GAREM1: variants seen among roughly 807,000 people sequenced by gnomAD.
The protein encoded by GAREM1 is GRB2 associated regulator of MAPK1 subtype 1.
GAREM1 carries 26 observed loss-of-function variants against 71.3 expected under a neutral mutation model. The ratio of observed to expected loss-of-function variants is 0.36; its 90% CI spans 0.27 to 0.51. The LOEUF is 0.51. Among genes scored for constraint, GAREM1 ranks in the 20% least tolerant of loss-of-function variants. The pLI is 0.95. For missense variants in GAREM1, 1,026 were observed against 1,103.1 expected (o/e 0.93, Z 0.99); for synonymous variants, 440 against 433.2 (o/e 1.02, Z -0.20).
chr18:32,338,165 T>C (rs1012086618), intron 2 of GAREM1, among the ~76,000 whole-genome samples: 5 of 152,206 alleles, frequency 3.3e-5, no homozygotes, highest in African/African-American at 1.2e-4. Flanking sequence ...TCCAAGTAGC[T>C]TGAAATACCT....
intron 1 of GAREM1, among the ~76,000 whole-genome samples, chr18:32,400,045 C>G (rs1195079424): frequency 6.6e-6 from 1 of 152,138 alleles, no homozygotes; most frequent in Non-Finnish European, 1.5e-5. Context: ...TGCTCTTTGA[C>G]AAACCTAACA....
Position 32,267,674 on chromosome 18 carries a change from T to C in GAREM1, c.*197A>G, listed in dbSNP as rs1598914947. 1 of 528,662 alleles carries C rather than the reference T, an allele frequency of 1.9e-6. No individual in the cohort carries two copies. Among genetic ancestry groups the C allele is most frequent in the Non-Finnish European group, 3.3e-6 (1 of 301,056 alleles). 32.7% of individuals were successfully genotyped at this position (528,662 alleles called of 1,614,324 possible). ...GTGACGTACAAGGCACACCTCCAAGTGTTCTGTACAGCATTTTTATTGATG... is the reference window on the plus strand; with the variant it reads ...GTGACGTACAAGGCACACCTCCAAGCGTTCTGTACAGCATTTTTATTGATG... On this transcript the variant is annotated 3_prime_UTR_variant, in exon 6 of 6. Transcript: ENST00000269209.
intron 4 of GAREM1, among the ~76,000 whole-genome samples, chr18:32,276,691 A>T (rs569549471): frequency 3.3e-5 from 5 of 152,354 alleles, no homozygotes; most frequent in Admixed American, 6.5e-5. Context: ...GGCTTAGATG[A>T]TGAAACAAAA....
Position 32,446,626 on chromosome 18 carries a change from G to T in GAREM1, c.121+23682C>A, listed in dbSNP as rs1321571711. ...ATCCGTATCTGACTGTGGTTCAAAA[G>T]AATAACAACTTCCAAAGCAAACAAA... On this transcript the variant is annotated intron_variant, in intron 1 of 5. Coordinates refer to ENST00000269209, the MANE Select transcript of GAREM1 (RefSeq NM_001242409.2). 2.0e-5 allele frequency among the ~76,000 whole-genome samples: 3 copies of T among 152,162 alleles called. No individual in the cohort carries two copies. The East Asian group carries it at 5.8e-4, about 29-fold the overall frequency.
intron 2 of GAREM1, among the ~76,000 whole-genome samples, chr18:32,364,003 T>TATATATATATATAC (rs1242786082): frequency 2.5e-5 from 1 of 40,318 alleles, no homozygotes; most frequent in Non-Finnish European, 4.5e-5. Flanking sequence ...TACATATATA[T>TATATATATATATAC]ATATATATAT....
intron 4 of GAREM1, among the ~76,000 whole-genome samples, chr18:32,283,190 G>A (rs193018944): frequency 1.2e-3 from 176 of 152,324 alleles, no homozygotes; most frequent in Non-Finnish European, 2.4e-3. Context: ...GGACATTCCC[G>A]TGAGGAAGAG....
intron 1 of GAREM1, among the ~76,000 whole-genome samples, chr18:32,422,400 C>T (rs1264483821): frequency 5.3e-5 from 8 of 152,118 alleles, no homozygotes; most frequent in Admixed American, 2.6e-4. Context: ...GGCCCTGGTA[C>T]ACCTCTTCCC....
intron 2 of GAREM1, among the ~76,000 whole-genome samples, chr18:32,347,812 C>T (rs529061093): frequency 1.3e-5 from 2 of 152,286 alleles, no homozygotes; most frequent in South Asian, 4.2e-4. Flanking sequence ...AACAGTACAA[C>T]TGTGGCTTAG....
intron 1 of GAREM1, among the ~76,000 whole-genome samples, chr18:32,404,880 T>G (rs1239909831): frequency 6.6e-6 from 1 of 152,224 alleles, no homozygotes; most frequent in Admixed American, 6.5e-5. Context: ...AGAATCAGAT[T>G]GGCTGAACTT....
At chr18:32,326,652 A>C (rs1009329388) in intron 2 of GAREM1, among the ~76,000 whole-genome samples, 2 of 151,668 alleles carry the variant, frequency 1.3e-5, no homozygotes, top group African/African-American at 4.9e-5. Context: ...TTTCCCTTCC[A>C]CCCCCTCACA....
intron 1 of GAREM1, among the ~76,000 whole-genome samples, chr18:32,457,221 G>GT (rs2048900700): frequency 1.6e-5 from 2 of 126,290 alleles, no homozygotes; most frequent in African/African-American, 3.4e-5. Flanking sequence ...GAGAGAGAGA[G>GT]AGAGAGTGTG....
rs141617822 is a variant in GAREM1 at position 32,294,466 on chromosome 18, G to A, written c.394-6263C>T. On this transcript the variant is annotated intron_variant, in intron 3 of 5. Transcript: ENST00000269209. ...AAGGTTGAAAAATTTGCCTTTTCCA[G>A]ATAAACTTTAGAATCATTTTTTCTA... is the stretch of plus-strand genomic sequence containing the variant. Among the ~76,000 whole-genome samples, 1,326 of 152,238 alleles carry A rather than the reference G, an allele frequency of 8.7e-3. 4 individuals carry two copies. Among genetic ancestry groups the A allele is most frequent in the Non-Finnish European group, 0.015 (1,000 of 68,010 alleles).
intron 1 of GAREM1, among the ~76,000 whole-genome samples, chr18:32,414,586 A>T (rs965514465): frequency 2.6e-5 from 4 of 152,144 alleles, no homozygotes; most frequent in Non-Finnish European, 4.4e-5. Flanking sequence ...CCATATAAAC[A>T]CATGGAAATG....
At chr18:32,379,265 T>G (rs2048069760) in intron 2 of GAREM1, among the ~76,000 whole-genome samples, 1 of 152,086 alleles carries the variant, frequency 6.6e-6, no homozygotes, top group African/African-American at 2.4e-5. Context: ...CCCTCTTCAC[T>G]CACTGCTCAG....
At position 32,439,286 on chromosome 18, in the gene GAREM1, A is replaced by G. The variant is rs182357679; in HGVS notation, c.121+31022T>C. 3.3e-5 allele frequency among the ~76,000 whole-genome samples: 5 copies of G among 152,336 alleles called. No individual in the cohort carries two copies. In the East Asian group the frequency reaches 5.8e-4, roughly 18 times the overall value. ...TGAAGAATTATAGAGAAAAGAAAGAAGAGTTCTTTTTCAAAAGAACATGCA... is the reference window on the plus strand; with the variant it reads ...TGAAGAATTATAGAGAAAAGAAAGAGGAGTTCTTTTTCAAAAGAACATGCA... On this transcript the variant is annotated intron_variant, in intron 1 of 5. Transcript: ENST00000269209.
chr18:32,433,041 CAACA>C (rs2048638869), intron 1 of GAREM1, among the ~76,000 whole-genome samples: 1 of 151,744 alleles, frequency 6.6e-6, no homozygotes, highest in South Asian at 2.1e-4. Context: ...TAAAAATCCT[CAACA>C]AAATATTAAC....
rs17736626 is a variant in GAREM1 at position 32,421,333 on chromosome 18, C to T, written c.122-28298G>A. Among the ~76,000 whole-genome samples, 204 of 152,294 alleles carry T rather than the reference C, an allele frequency of 1.3e-3. 1 individual carries two copies. Among genetic ancestry groups the T allele is most frequent in the Admixed American group, 3.0e-3 (46 of 15,294 alleles). On this transcript the variant is annotated intron_variant, in intron 1 of 5. Coordinates refer to ENST00000269209, the MANE Select transcript of GAREM1 (RefSeq NM_001242409.2). ...TTGTCATTGTTCTAACTCATTGTCC[C>T]TCAGGTCCATTCTCTTCTGCACATC...
At chr18:32,315,085 CATT>C (rs1476629733) in intron 2 of GAREM1, among the ~76,000 whole-genome samples, 1 of 152,072 alleles carries the variant, frequency 6.6e-6, no homozygotes, top group Non-Finnish European at 1.5e-5. Flanking sequence ...GCCAAACACT[CATT>C]GAGTAGTCTA....
intron 3 of GAREM1, among the ~76,000 whole-genome samples, chr18:32,298,457 G>A (rs1017517889): frequency 3.3e-5 from 5 of 151,560 alleles, no homozygotes; most frequent in African/African-American, 1.2e-4. Flanking sequence ...CCGTATGTGT[G>A]TCTGGTTAAC....
Sources: gnomAD v4.1 joint callset for allele counts (sites outside exome capture counted in the v4.1 genomes callset) on GRCh38, gnomAD v4.1.1 for gene constraint, MANE v1.5 for transcripts, NCBI Gene and HGNC (gene_info 2026-07-23, HGNC 2026-07-21) for gene names.